Variants in PDE8B observed in about 807,000 individuals in gnomAD.
PDE8B encodes phosphodiesterase 8B, also known as high affinity cAMP-specific and IBMX-insensitive 3',5'-cyclic phosphodiesterase 8B.
PDE8B carries 26 observed loss-of-function variants against 101.3 expected under a neutral mutation model. The observed-to-expected ratio is 0.26, with a 90% CI of 0.19 to 0.36. PDE8B has a LOEUF of 0.36. PDE8B is among the 10% of genes least tolerant of loss of function. The probability of loss-of-function intolerance (pLI) is 1.00; values close to 1 mark genes in which losing one functional copy is unlikely to be tolerated. For synonymous variants in PDE8B, 424 were observed against 429.3 expected (o/e 0.99, Z 0.15); for missense variants, 810 against 1,163.1 (o/e 0.70, Z 4.42).
the PDE8B span, among the ~76,000 whole-genome samples, chr5:77,136,853 C>CA: frequency 6.6e-6 from 1 of 152,106 alleles, no homozygotes; most frequent in Non-Finnish European, 1.5e-5. Context: ...GTTTTTCCTC[C>CA]AAAAATATTT....
chr5:77,359,932 C>A (rs917360712), intron 10 of PDE8B, among the ~76,000 whole-genome samples: 1 of 151,934 alleles, frequency 6.6e-6, no homozygotes, highest in Admixed American at 6.6e-5. Flanking sequence ...CCCGTCTCTA[C>A]GAAAAATACA....
chr5:77,220,633 G>A (rs1388712936), intron 1 of PDE8B, among the ~76,000 whole-genome samples: 3 of 152,196 alleles, frequency 2.0e-5, no homozygotes, highest in African/African-American at 7.2e-5. Flanking sequence ...GCACAAAAAA[G>A]TTTTAGCCCA....
In PDE8B at chr5:77,402,262, T is replaced by A. The variant is rs532615215; in HGVS notation, c.1210+1972T>A. ...TATTATTTATAGATAATTGTAAAAA[T>A]ATATATATATAGAAACTTATATGCA... On this transcript the variant is annotated intron_variant, in intron 11 of 21. Transcript: ENST00000264917. Among the ~76,000 whole-genome samples the A allele has an allele frequency of 7.9e-5, 12 of 151,620 alleles. No homozygotes were observed. In the East Asian group the frequency reaches 1.2e-3, roughly 15 times the overall value.
chr5:77,311,907 G>A, intron 1 of PDE8B, 87 bp from the exon 2 acceptor site: 1 of 1,021,338 alleles, frequency 9.8e-7, no homozygotes, highest in South Asian at 1.3e-5. Flanking sequence ...GCACACGGTG[G>A]CATAATGCAA....
chr5:77,416,899 C>T (rs1795684395), intron 17 of PDE8B, among the ~76,000 whole-genome samples: 1 of 152,128 alleles, frequency 6.6e-6, no homozygotes. Context: ...TCTCACTATC[C>T]CTTCAGCCAC....
the PDE8B span, among the ~76,000 whole-genome samples, chr5:77,154,471 C>T: frequency 7.2e-4 from 109 of 152,326 alleles, no homozygotes; most frequent in Non-Finnish European, 1.2e-3. Context: ...GAGTGACCTA[C>T]CTAAGATCAT....
intron 2 of PDE8B, among the ~76,000 whole-genome samples, chr5:77,313,893 T>C (rs1236841435): frequency 1.3e-5 from 2 of 152,232 alleles, no homozygotes; most frequent in Admixed American, 6.5e-5. Context: ...TACACTTGTT[T>C]TGAATACTTT....
At chr5:77,234,158 C>T (rs1392951396) in intron 1 of PDE8B, among the ~76,000 whole-genome samples, 4 of 152,122 alleles carry the variant, frequency 2.6e-5, no homozygotes, top group South Asian at 2.1e-4. Flanking sequence ...ATTTCCTATT[C>T]CTTTGGTCAT....
chr5:77,378,714 G>A (rs1561614721), intron 10 of PDE8B, among the ~76,000 whole-genome samples: 1 of 152,132 alleles, frequency 6.6e-6, no homozygotes, highest in Non-Finnish European at 1.5e-5. Flanking sequence ...TGTTAATGGG[G>A]TGGGCCCCAG....
chr5:77,131,515 T>C, the PDE8B span, among the ~76,000 whole-genome samples: 2 of 152,230 alleles, frequency 1.3e-5, no homozygotes, highest in East Asian at 3.9e-4. Flanking sequence ...TACTTGAGTT[T>C]AAGTCCAGAT....
the PDE8B span, among the ~76,000 whole-genome samples, chr5:77,177,591 G>A: frequency 7.2e-5 from 11 of 152,148 alleles, no homozygotes; most frequent in East Asian, 1.9e-4. Flanking sequence ...TAAAGGAAGC[G>A]CATTACAGCT....
chr5:77,397,396 A>G (rs986906512), intron 10 of PDE8B, among the ~76,000 whole-genome samples: 11 of 152,138 alleles, frequency 7.2e-5, no homozygotes, highest in Non-Finnish European at 1.5e-5. Context: ...TGTATCACAT[A>G]TATAACATAC....
chr5:77,372,356 A>G (rs888245474), intron 10 of PDE8B, among the ~76,000 whole-genome samples: 7 of 152,186 alleles, frequency 4.6e-5, no homozygotes. Context: ...TCTATTTAGG[A>G]TGGAATCTTG....
the PDE8B span, among the ~76,000 whole-genome samples, chr5:77,088,988 T>C: frequency 4.8e-3 from 729 of 152,238 alleles, 15 homozygotes; most frequent in South Asian, 0.063. Context: ...CTGGGTACAA[T>C]AATACAATCC....
chr5:77,285,642 G>A (rs1341648205), intron 1 of PDE8B, among the ~76,000 whole-genome samples: 1 of 150,024 alleles, frequency 6.7e-6, no homozygotes, highest in Non-Finnish European at 1.5e-5. Flanking sequence ...ATGCCATTCA[G>A]CAAATTTGGA....
At chr5:77,187,846 G>A in the PDE8B span, among the ~76,000 whole-genome samples, 1 of 152,162 alleles carries the variant, frequency 6.6e-6, no homozygotes, top group Non-Finnish European at 1.5e-5. Flanking sequence ...AGCATACGTG[G>A]CCAGCCAATA....
At chr5:77,115,503 G>A in the PDE8B span, among the ~76,000 whole-genome samples, 2 of 152,242 alleles carry the variant, frequency 1.3e-5, no homozygotes, top group Non-Finnish European at 2.9e-5. Context: ...TGAAGAAGCT[G>A]ATAAGAAGGA....
At chr5:77,125,992 A>C in the PDE8B span, among the ~76,000 whole-genome samples, 5 of 152,200 alleles carry the variant, frequency 3.3e-5, no homozygotes, top group Non-Finnish European at 7.3e-5. Flanking sequence ...TAAATCTCTT[A>C]AAAGTTAGTT....
rs911880451 is a variant in PDE8B at position 77,427,945 on chromosome 5, T to C, written c.*1391T>C. On this transcript the variant is annotated 3_prime_UTR_variant, in exon 22 of 22. Transcript: ENST00000264917. ...CAATACAAATTGGAATGCAGAATAC[T>C]TGGAACTTGTACATGGGGAAAAAAT... 2.6e-5 allele frequency: 4 copies of C among 152,212 alleles called. No homozygotes were observed. Among genetic ancestry groups the C allele is most frequent in the Non-Finnish European group, 5.9e-5 (4 of 68,042 alleles). 9.4% of individuals were successfully genotyped at this position (152,212 alleles called of 1,614,324 possible).
Sources: allele counts gnomAD v4.1 joint callset (sites outside exome capture counted in the v4.1 genomes callset), GRCh38; gene constraint gnomAD v4.1.1; transcripts MANE v1.5; gene names NCBI Gene and HGNC (gene_info 2026-07-23, HGNC 2026-07-21).